SYCP1: variants seen among roughly 807,000 people sequenced by gnomAD.
SYCP1 encodes the protein synaptonemal complex protein 1.
Under a neutral mutation model 153.1 loss-of-function variants are expected in SYCP1, and 64 were observed. The observed-to-expected ratio is 0.42, with a 90% confidence interval of 0.34 to 0.51. The LOEUF (loss-of-function observed/expected upper bound fraction) is 0.51. Among genes scored for constraint, SYCP1 ranks in the 20% least tolerant of loss-of-function variants. The pLI is 0.06. For synonymous variants in SYCP1, 384 were observed against 341.8 expected (o/e 1.12, Z -1.36); for missense variants, 997 against 1,049.0 (o/e 0.95, Z 0.68).
At chr1:114,958,449 C>A (rs1671570858) in intron 27 of SYCP1, among the ~76,000 whole-genome samples, 1 of 151,636 alleles carries the variant, frequency 6.6e-6, no homozygotes, top group South Asian at 2.1e-4. Context: ...TGGAATATTC[C>A]CAACACAAAG....
intron 27 of SYCP1, among the ~76,000 whole-genome samples, chr1:114,963,360 A>AT (rs898782712): frequency 1.3e-4 from 20 of 151,952 alleles, no homozygotes; most frequent in African/African-American, 3.6e-4. Context: ...GGCTTTGTTC[A>AT]TTTTTTTAAA....
chr1:114,974,884 C>A (rs373082305), intron 27 of SYCP1, among the ~76,000 whole-genome samples: 1 of 151,722 alleles, frequency 6.6e-6, no homozygotes, highest in South Asian at 2.1e-4. Context: ...GCAACTGTAT[C>A]ATTAATTTTC....
chr1:114,896,770 GGA>G (rs1356287684), intron 16 of SYCP1, among the ~76,000 whole-genome samples: 2 of 152,152 alleles, frequency 1.3e-5, no homozygotes, highest in Non-Finnish European at 2.9e-5. Context: ...ACTTCTGCAT[GGA>G]CAAGGACTGG....
At chr1:114,905,687 C>T (rs1667762401) in intron 16 of SYCP1, among the ~76,000 whole-genome samples, 1 of 152,098 alleles carries the variant, frequency 6.6e-6, no homozygotes, top group African/African-American at 2.4e-5. Flanking sequence ...GTAGAATTCT[C>T]TAGTGAAACC....
chr1:114,974,898 G>A (rs1191485700), intron 27 of SYCP1, among the ~76,000 whole-genome samples: 2 of 151,728 alleles, frequency 1.3e-5, no homozygotes, highest in Non-Finnish European at 3.0e-5. Flanking sequence ...AATTTTCTGA[G>A]AACCTCTATA....
At chr1:114,860,288 C>T (rs1664284546) in intron 7 of SYCP1, among the ~76,000 whole-genome samples, 1 of 152,164 alleles carries the variant, frequency 6.6e-6, no homozygotes, top group Admixed American at 6.5e-5. Context: ...CCACAGGTCT[C>T]ATCATTCACA....
chr1:114,985,322 T>A (rs1367159854), intron 30 of SYCP1, among the ~76,000 whole-genome samples: 1 of 151,956 alleles, frequency 6.6e-6, no homozygotes, highest in African/African-American at 2.4e-5. Context: ...CTATAACATT[T>A]CCATCACTCT....
chr1:114,901,653 GC>G lies in SYCP1; in HGVS notation c.1320+6146del, dbSNP rs546263025. 4.2e-4 allele frequency among the ~76,000 whole-genome samples: 64 copies of G among 152,326 alleles called. 2 individuals carry two copies. The South Asian group carries it at 0.012, about 30-fold the overall frequency. The stretch of plus-strand genomic sequence containing the variant: ...TGCTCCCAAGGACAGCAAGATGGAG[GC>G]CTGCAGCAAAATTTGCTGAGGACTA... On this transcript the variant is annotated intron_variant, in intron 16 of 31. Transcript: ENST00000369522.
At chr1:114,947,126 A>G (rs1670758942) in intron 26 of SYCP1, 120 bp from the exon 27 acceptor site, 5 of 778,314 alleles carry the variant, frequency 6.4e-6, no homozygotes, top group Middle Eastern at 3.7e-4. Flanking sequence ...AAGTATCTAC[A>G]TTTTATGAGT....
chr1:114,954,147 G>A (rs539555390), intron 27 of SYCP1, among the ~76,000 whole-genome samples: 4 of 152,212 alleles, frequency 2.6e-5, no homozygotes, highest in South Asian at 2.1e-4. Flanking sequence ...GTACGTGTAC[G>A]TTATAGAAGA....
In SYCP1 at chr1:114,911,512, G is replaced by A. The variant is rs1373818849; in HGVS notation, c.1459G>A (p.Ala487Thr). The A allele has an allele frequency of 1.9e-6, 3 of 1,558,210 alleles. No homozygotes were observed. Among genetic ancestry groups the A allele is most frequent in the South Asian group, 1.3e-5 (1 of 78,876 alleles). The change falls in exon 18 of 32, where the codon GCC (alanine) becomes ACC (threonine). Residue 487 changes from alanine to threonine, a missense_variant. Ala to Thr is a moderately conservative substitution (Grantham distance 58). This residue lies in a region of SYCP1 where 712 missense variants were observed against 682.9 expected (regional missense o/e 1.04). Transcript: ENST00000369522. ...ACATGATTTGGAAATACAGTTAACT[G>A]CCATTACCACAAGTGAACAGTATTA... is the stretch of plus-strand genomic sequence containing the variant. ...EVHDLEIQLT[A>T]ITTSEQYYSK... is the part of the protein sequence containing the mutation.
intron 30 of SYCP1, among the ~76,000 whole-genome samples, chr1:114,985,139 T>C (rs1673414244): frequency 6.6e-6 from 1 of 151,828 alleles, no homozygotes; most frequent in Non-Finnish European, 1.5e-5. Flanking sequence ...AATCATTGTC[T>C]TGTTTTCTAG....
At chr1:114,967,844 G>T (rs1672233864) in intron 27 of SYCP1, among the ~76,000 whole-genome samples, 1 of 152,084 alleles carries the variant, frequency 6.6e-6, no homozygotes, top group Non-Finnish European at 1.5e-5. Context: ...CATATTTAGT[G>T]CTTCCTTCAG....
chr1:114,993,491 C>A (rs1674060845), intron 30 of SYCP1, among the ~76,000 whole-genome samples: 1 of 151,464 alleles, frequency 6.6e-6, no homozygotes, highest in African/African-American at 2.4e-5. Context: ...GCTATATAAT[C>A]TAGGGTACAT....
chr1:114,877,389 A>T (rs1229573078), intron 11 of SYCP1, among the ~76,000 whole-genome samples: 1 of 152,188 alleles, frequency 6.6e-6, no homozygotes, highest in African/African-American at 2.4e-5. Context: ...TCTGCTTCCC[A>T]AATGGAAAGC....
chr1:114,959,004 C>A (rs1671616235), intron 27 of SYCP1, among the ~76,000 whole-genome samples: 1 of 150,540 alleles, frequency 6.6e-6, no homozygotes, highest in South Asian at 2.1e-4. Flanking sequence ...GATATTTTCT[C>A]TCATTCTGTG....
chr1:114,930,038 A>T (rs563263251), intron 23 of SYCP1, among the ~76,000 whole-genome samples: 1 of 152,144 alleles, frequency 6.6e-6, no homozygotes, highest in South Asian at 2.1e-4. Context: ...TAAGTATAAG[A>T]TATCTGGAAA....
intron 12 of SYCP1, among the ~76,000 whole-genome samples, chr1:114,884,250 G>C (rs901128417): frequency 1.3e-5 from 2 of 152,052 alleles, no homozygotes; most frequent in African/African-American, 4.8e-5. Flanking sequence ...CAAGCCTTAT[G>C]CTCCTAAAAT....
intron 23 of SYCP1, 104 bp from the exon 24 acceptor site, chr1:114,944,235 A>G: frequency 1.5e-6 from 1 of 665,812 alleles, no homozygotes; most frequent in Non-Finnish European, 2.6e-6. Flanking sequence ...ATTTCCATGA[A>G]TAAGTAATCT....
Sources: gnomAD v4.1 joint callset for allele counts (sites outside exome capture counted in the v4.1 genomes callset) on GRCh38, gnomAD v4.1.1 for gene constraint, gnomAD v4.1.1 regional missense constraint, MANE v1.5 for transcripts, NCBI Gene and HGNC (gene_info 2026-07-23, HGNC 2026-07-21) for gene names.